The following TRIM63 variants were observed in gnomAD, a reference collection of about 807,000 sequenced individuals.
TRIM63 encodes E3 ubiquitin-protein ligase TRIM63.
Under a neutral mutation model 46.0 loss-of-function variants are expected in TRIM63, and 48 were observed. The observed-to-expected ratio is 1.04, with a 90% CI of 0.83 to 1.33. The LOEUF (loss-of-function observed/expected upper bound fraction) is 1.33. Ranked by LOEUF, TRIM63 falls within the 40% of genes most tolerant of loss-of-function variation. The pLI is 0.00. For missense variants in TRIM63, 455 were observed against 441.2 expected (o/e 1.03, Z -0.28); for synonymous variants, 175 against 162.8 (o/e 1.08, Z -0.57).
Position 26,058,456 on chromosome 1 carries a change from C to G in TRIM63, c.765G>C (p.Lys255Asn), listed in dbSNP as rs1265332628. 1 of 1,614,200 alleles carries G rather than the reference C, an allele frequency of 6.2e-7. No homozygotes were observed. Among genetic ancestry groups the G allele is most frequent in the African/African-American group, 1.3e-5 (1 of 75,052 alleles). The change falls in exon 5 of 9, where the codon AAG becomes AAC. Residue 255 changes from lysine to asparagine, a missense_variant. By Grantham distance (94) the Lys-to-Asn change is moderately conservative. Coordinates refer to ENST00000374272, the MANE Select transcript of TRIM63 (RefSeq NM_032588.4). ...TGGCAGTTTCCACCAGCTTTGTGGA[C>G]TTGTCCAGCTGCTCCTGGTACTGCT... ...LIQQYQEQLD[K>N]STKLVETAIQ...
At chr1:26,060,173 C>A in intron 4 of TRIM63, 93 bp downstream of exon 4, 1 of 1,192,440 alleles carries the variant, frequency 8.4e-7, no homozygotes, top group Non-Finnish European at 1.2e-6. Context: ...CGGGCCCCAA[C>A]CTTTAGCCAC....
At chr1:26,065,236 C>G (rs2050665488) in intron 2 of TRIM63, among the ~76,000 whole-genome samples, 1 of 151,984 alleles carries the variant, frequency 6.6e-6, no homozygotes, top group Non-Finnish European at 1.5e-5. Context: ...GTTGGCCAGT[C>G]TGGTCTCCAA....
rs776310575 is a variant in TRIM63, at chr1:26,053,965, C to T, written c.980-1G>A. 3.2e-6 allele frequency: 5 copies of T among 1,579,370 alleles called. No individual in the cohort carries two copies. Among genetic ancestry groups the T allele is most frequent in the African/African-American group, 2.8e-5 (2 of 72,188 alleles). ...TCAATGAATTCTTCCTCTTCCTCAT[C>T]TGTGACAAAAAAACATTTGTGTTAG... On this transcript the variant is annotated splice_acceptor_variant, in intron 7 of 8. Transcript: ENST00000374272. LOFTEE classifies it high-confidence loss of function.
chr1:26,063,327 A>C (rs1321706769), intron 2 of TRIM63, among the ~76,000 whole-genome samples: 1 of 152,226 alleles, frequency 6.6e-6, no homozygotes, highest in Non-Finnish European at 1.5e-5. Flanking sequence ...CAGAACAGGC[A>C]TCTTGCAAAT....
At chr1:26,061,108 A>G in intron 3 of TRIM63, 58 bp downstream of exon 3, 1 of 1,570,246 alleles carries the variant, frequency 6.4e-7, no homozygotes, top group Admixed American at 1.7e-5. Flanking sequence ...TGCCTCCTGA[A>G]TCATCAGGCC....
chr1:26,067,586 C>A lies in TRIM63; in HGVS notation c.-92G>T. The A allele has an allele frequency of 1.4e-6, 2 of 1,441,446 alleles. No homozygotes were observed. The highest frequency in any genetic ancestry group is 2.0e-5 in the Admixed American group (1 of 50,036). 89.3% of individuals were successfully genotyped at this position (1,441,446 alleles called of 1,614,324 possible). ...GGGGTCTTGCCTTTGTCACAAAACACCGGGTCGGATCCTGTTGGCTTCCTT... is the reference window on the plus strand; with the variant it reads ...GGGGTCTTGCCTTTGTCACAAAACAACGGGTCGGATCCTGTTGGCTTCCTT... On this transcript the variant is annotated 5_prime_UTR_variant, in exon 1 of 9. Transcript: ENST00000374272.
intron 2 of TRIM63, among the ~76,000 whole-genome samples, chr1:26,062,880 T>C (rs1042455637): frequency 6.6e-6 from 1 of 151,964 alleles, no homozygotes; most frequent in Non-Finnish European, 1.5e-5. Context: ...CTCAGCCTCC[T>C]GAGTAGCTGA....
intron 2 of TRIM63, among the ~76,000 whole-genome samples, chr1:26,065,928 A>G (rs896502646): frequency 1.3e-5 from 2 of 152,098 alleles, no homozygotes; most frequent in African/African-American, 4.8e-5. Flanking sequence ...CTTATAGACA[A>G]CCTGGCTGTT....
chr1:26,053,769 G>A (rs901465063), intron 8 of TRIM63, 124 bp downstream of exon 8: 12 of 720,736 alleles, frequency 1.7e-5, no homozygotes, highest in Admixed American at 9.0e-5. Context: ...GTTAAAGCAC[G>A]TGCTGGGGAC....
chr1:26,057,173 A>C (rs1166574162), intron 7 of TRIM63, 30 bp downstream of exon 7: 13 of 1,613,174 alleles, frequency 8.1e-6, no homozygotes, highest in Non-Finnish European at 1.1e-5. Flanking sequence ...AGGCAGGCAA[A>C]TAGACAAGTG....
In TRIM63 at chr1:26,057,364, T is replaced by A. The variant is rs764046296; in HGVS notation, c.855-37A>T. 2.5e-6 allele frequency: 4 copies of A among 1,611,516 alleles called. No individual in the cohort carries two copies. The African/African-American group carries it at 5.3e-5, about 22-fold the overall frequency. The stretch of plus-strand genomic sequence containing the variant: ...ACAGAAAGAGAGGCAGGATGAGGTC[T>A]CTGGGGCTCAGTGCAGGGAAGAGAG... On this transcript the variant is annotated intron_variant, in intron 6 of 8. Transcript: ENST00000374272.
At chr1:26,066,122 C>T in intron 2 of TRIM63, 146 bp downstream of exon 2, 1 of 934,100 alleles carries the variant, frequency 1.1e-6, no homozygotes, top group East Asian at 2.4e-5. Context: ...GTATGGGTCT[C>T]CAGTCCTGTC....
At chr1:26,057,483 C>T (rs2050583741) in intron 6 of TRIM63, 145 bp downstream of exon 6, 1 of 1,392,768 alleles carries the variant, frequency 7.2e-7, no homozygotes. Context: ...AGGAGTGGTC[C>T]AAAAAGTCAG....
intron 8 of TRIM63, among the ~76,000 whole-genome samples, 177 bp from the exon 9 acceptor site, chr1:26,052,060 T>C (rs1351398839): frequency 6.6e-6 from 1 of 152,228 alleles, no homozygotes; most frequent in Non-Finnish European, 1.5e-5. Context: ...ATATTATGGA[T>C]TGTACATCAG....
intron 2 of TRIM63, among the ~76,000 whole-genome samples, chr1:26,062,904 C>T (rs1384988470): frequency 6.6e-6 from 1 of 152,020 alleles, no homozygotes; most frequent in Non-Finnish European, 1.5e-5. Flanking sequence ...TACAGACGTG[C>T]ACCACCATGC....
chr1:26,054,114 G>C (rs541190712), intron 7 of TRIM63, 150 bp from the exon 8 acceptor site: 1 of 561,388 alleles, frequency 1.8e-6, no homozygotes, highest in Non-Finnish European at 3.1e-6. Context: ...GTCTGGGAGG[G>C]GATGGGCTTG....
At chr1:26,067,141 G>A (rs1012460763) in intron 1 of TRIM63, among the ~76,000 whole-genome samples, 195 bp downstream of exon 1, 3 of 151,908 alleles carry the variant, frequency 2.0e-5, no homozygotes, top group Admixed American at 6.6e-5. Flanking sequence ...GGGGAAACTT[G>A]TGTTATGGAG....
At chr1:26,063,538 G>A (rs1396945349) in intron 2 of TRIM63, among the ~76,000 whole-genome samples, 1 of 152,206 alleles carries the variant, frequency 6.6e-6, no homozygotes, top group African/African-American at 2.4e-5. Context: ...CCTGATAAAG[G>A]GATGGCAGGG....
At chr1:26,059,367 C>A (rs947861544) in intron 4 of TRIM63, among the ~76,000 whole-genome samples, 4 of 152,016 alleles carry the variant, frequency 2.6e-5, no homozygotes, top group African/African-American at 7.2e-5. Context: ...GTGTGACCTT[C>A]AACAAATTAA....
Sources: allele counts gnomAD v4.1 joint callset (sites outside exome capture counted in the v4.1 genomes callset), GRCh38; gene constraint gnomAD v4.1.1; transcripts MANE v1.5; gene names NCBI Gene and HGNC (gene_info 2026-07-23, HGNC 2026-07-21).